The following MTFR1 variants were observed in gnomAD, a reference collection of about 807,000 sequenced individuals.
The protein encoded by MTFR1 is chondrocyte protein with a poly-proline region.
Under a neutral mutation model 38.8 loss-of-function variants are expected in MTFR1, and 28 were observed. The ratio of observed to expected loss-of-function variants is 0.72; its 90% CI spans 0.53 to 0.99. The LOEUF (loss-of-function observed/expected upper bound fraction) is 0.99, where lower values mean the gene tolerates loss of function less well. Among genes scored for constraint, MTFR1 ranks in the 50% least tolerant of loss-of-function variants. The probability of loss-of-function intolerance (pLI) is 0.00; values close to 1 mark genes in which losing one functional copy is unlikely to be tolerated. For missense variants in MTFR1, 358 were observed against 395.5 expected (o/e 0.91, Z 0.81); for synonymous variants, 145 against 137.0 (o/e 1.06, Z -0.41).
intron 2 of MTFR1, among the ~76,000 whole-genome samples, chr8:65,671,749 G>C (rs1041030035): frequency 6.6e-6 from 1 of 151,982 alleles, no homozygotes; most frequent in Non-Finnish European, 1.5e-5. Context: ...TAAGATTGTG[G>C]GTCCTGGATT....
At chr8:65,743,137 T>C (rs970433041) in intron 3 of MTFR1, among the ~76,000 whole-genome samples, 1 of 152,272 alleles carries the variant, frequency 6.6e-6, no homozygotes, top group South Asian at 2.1e-4. Context: ...TGAGAGTTTA[T>C]GTAAGGCTAA....
At chr8:65,702,313 T>C (rs983221145) in intron 4 of MTFR1, among the ~76,000 whole-genome samples, 1 of 148,992 alleles carries the variant, frequency 6.7e-6, no homozygotes, top group Non-Finnish European at 1.5e-5. Flanking sequence ...TTTTTTTTTT[T>C]TTTTGAGACA....
chr8:65,731,834 G>A (rs752245739), intron 3 of MTFR1, among the ~76,000 whole-genome samples: 3 of 152,006 alleles, frequency 2.0e-5, no homozygotes, highest in Non-Finnish European at 4.4e-5. Flanking sequence ...ATATACTTAA[G>A]TCTATTTACT....
Position 65,709,569 on chromosome 8 carries a change from C to A in MTFR1, c.*525C>A, listed in dbSNP as rs1805886332. 1 of 152,942 alleles carries A rather than the reference C, an allele frequency of 6.5e-6. No individual in the cohort carries two copies. Among genetic ancestry groups the A allele is most frequent in the Non-Finnish European group, 1.5e-5 (1 of 68,522 alleles). 9.5% of individuals were successfully genotyped at this position (152,942 alleles called of 1,614,324 possible). Reference sequence around the variant, plus strand: ...ATGAAATATTTGAGATTGGAAACTTCTTGCCTTGAACAGAACTTATATCTT... The same window carrying A: ...ATGAAATATTTGAGATTGGAAACTTATTGCCTTGAACAGAACTTATATCTT... On this transcript the variant is annotated 3_prime_UTR_variant, in exon 8 of 8. Transcript: ENST00000262146.
chr8:65,647,068 T>C (rs1808980419), intron 1 of MTFR1, among the ~76,000 whole-genome samples: 1 of 152,144 alleles, frequency 6.6e-6, no homozygotes, highest in Admixed American at 6.5e-5. Flanking sequence ...AGTTTAAACT[T>C]AATGAGCAAA....
chr8:65,712,949 C>T (rs895151424), downstream of MTFR1, among the ~76,000 whole-genome samples: 1 of 152,200 alleles, frequency 6.6e-6, no homozygotes, highest in Non-Finnish European at 1.5e-5. Flanking sequence ...CTTTACAGGA[C>T]ATGGCTCAAC....
intron 4 of MTFR1, among the ~76,000 whole-genome samples, chr8:65,697,953 T>G (rs1805491870): frequency 6.6e-6 from 1 of 152,184 alleles, no homozygotes; most frequent in African/African-American, 2.4e-5. Context: ...CTGTGGCTTG[T>G]CTTTTCATAC....
chr8:65,709,676 C>T lies in MTFR1; in HGVS notation c.*632C>T, dbSNP rs1805889499. The stretch of plus-strand genomic sequence containing the variant: ...CACTGCTGAAATTCCATAATGCTTC[C>T]CATTGAAGGGAAGTTGAGAACCAGG... On this transcript the variant is annotated 3_prime_UTR_variant, in exon 8 of 8. Coordinates refer to ENST00000262146, the MANE Select transcript of MTFR1 (RefSeq NM_014637.4). 1 of 152,578 alleles carries T rather than the reference C, an allele frequency of 6.6e-6. No homozygotes were observed. Among genetic ancestry groups the T allele is most frequent in the African/African-American group, 2.4e-5 (1 of 41,410 alleles). The allele number at this position is 152,578 out of a possible 1,614,324, so 9.5% of individuals were successfully genotyped here. A position where few individuals can be genotyped will look rare whatever the true frequency, so the allele number is the denominator to read the frequency against.
intron 2 of MTFR1, among the ~76,000 whole-genome samples, chr8:65,676,772 C>T (rs1397833458): frequency 1.3e-5 from 2 of 152,224 alleles, no homozygotes; most frequent in Non-Finnish European, 2.9e-5. Flanking sequence ...TTACCACATA[C>T]AGCTTGAGTG....
intron 3 of MTFR1, among the ~76,000 whole-genome samples, chr8:65,740,766 G>A (rs1208619670): frequency 6.6e-6 from 1 of 152,058 alleles, no homozygotes; most frequent in East Asian, 1.9e-4. Flanking sequence ...TGTTCTATCA[G>A]GTACAACTAT....
chr8:65,684,147 G>A (rs998676453), intron 3 of MTFR1, among the ~76,000 whole-genome samples: 1 of 152,172 alleles, frequency 6.6e-6, no homozygotes, highest in Non-Finnish European at 1.5e-5. Flanking sequence ...ATGGACTGAA[G>A]TACTAGAGTC....
chr8:65,664,289 A>C (rs961368357), intron 1 of MTFR1, among the ~76,000 whole-genome samples: 1 of 152,264 alleles, frequency 6.6e-6, no homozygotes, highest in Non-Finnish European at 1.5e-5. Flanking sequence ...AGATGAGTAC[A>C]TGAATTGTGT....
At chr8:65,732,581 TA>T (rs1414660521) in intron 3 of MTFR1, among the ~76,000 whole-genome samples, 1 of 152,202 alleles carries the variant, frequency 6.6e-6, no homozygotes, top group African/African-American at 2.4e-5. Context: ...GCAGTGGCAC[TA>T]TCACTACTCT....
chr8:65,678,707 C>T (rs186413860), intron 2 of MTFR1, among the ~76,000 whole-genome samples: 99 of 152,208 alleles, frequency 6.5e-4, no homozygotes, highest in African/African-American at 2.1e-3. Context: ...TCGAAACCAG[C>T]CTGGCCAACA....
chr8:65,665,775 C>T (rs960373687), intron 1 of MTFR1, among the ~76,000 whole-genome samples: 9 of 152,218 alleles, frequency 5.9e-5, no homozygotes, highest in East Asian at 3.8e-4. Flanking sequence ...AGGCATGCAA[C>T]GTCACACCCA....
chr8:65,768,830 T>C (rs1808929187), intron 3 of MTFR1, among the ~76,000 whole-genome samples: 1 of 152,242 alleles, frequency 6.6e-6, no homozygotes, highest in East Asian at 1.9e-4. Flanking sequence ...TGTGCTAGAA[T>C]AATAGATAAT....
At chr8:65,680,945 G>A (rs1373377503) in intron 2 of MTFR1, among the ~76,000 whole-genome samples, 35 of 124,408 alleles carry the variant, frequency 2.8e-4, no homozygotes, top group African/African-American at 9.0e-4. Flanking sequence ...TCGCTCTGTC[G>A]CCCAGGCCGG....
In MTFR1 at chr8:65,668,765, T is replaced by G. The variant is rs1249498392; in HGVS notation, c.-80-1108T>G. On this transcript the variant is annotated intron_variant, in intron 1 of 7. Transcript: ENST00000262146. ...CTGACCTCAAGCAATCCGCCTCCCT[T>G]GGCATCCCAAAGTGCTGGGATTACA... Among the ~76,000 whole-genome samples, 3 of 152,030 alleles carry G rather than the reference T, an allele frequency of 2.0e-5. No individual in the cohort carries two copies. In the East Asian group the frequency reaches 5.8e-4, roughly 29 times the overall value.
At chr8:65,707,776 C>A in intron 6 of MTFR1, 67 bp from the exon 7 acceptor site, 1 of 1,559,912 alleles carries the variant, frequency 6.4e-7, no homozygotes, top group Non-Finnish European at 8.7e-7. Flanking sequence ...AAAAGGTTGA[C>A]AAAGTACTTC....
Sources: allele counts gnomAD v4.1 joint callset (sites outside exome capture counted in the v4.1 genomes callset), GRCh38; gene constraint gnomAD v4.1.1; transcripts MANE v1.5; gene names NCBI Gene and HGNC (gene_info 2026-07-23, HGNC 2026-07-21).